The following TRPC1 variants were observed in gnomAD, a reference collection of about 807,000 sequenced individuals.
TRPC1 encodes the protein short transient receptor potential channel 1.
Under a neutral mutation model 88.2 loss-of-function variants are expected in TRPC1, and 42 were observed. The ratio of observed to expected loss-of-function variants is 0.48; its 90% CI spans 0.37 to 0.62. The LOEUF (loss-of-function observed/expected upper bound fraction) is 0.62, where lower values mean the gene tolerates loss of function less well. TRPC1 is among the 20% of genes least tolerant of loss of function. The probability of loss-of-function intolerance (pLI) is 0.00; values close to 1 mark genes in which losing one functional copy is unlikely to be tolerated. For synonymous variants in TRPC1, 288 were observed against 331.8 expected (o/e 0.87, Z 1.43); for missense variants, 699 against 957.3 (o/e 0.73, Z 3.56).
intron 1 of TRPC1, among the ~76,000 whole-genome samples, chr3:142,734,176 T>G (rs1487365188): frequency 6.6e-6 from 1 of 152,200 alleles, no homozygotes; most frequent in Admixed American, 6.5e-5. Flanking sequence ...TCCTGCCTCT[T>G]GTTGTCTTGG....
Position 142,724,498 on chromosome 3 carries a change from C to G in TRPC1, c.-62C>G, listed in dbSNP as rs1364976958. 12 of 1,386,262 alleles carry G rather than the reference C, an allele frequency of 8.7e-6. No individual in the cohort carries two copies. Among genetic ancestry groups the G allele is most frequent in the Admixed American group, 3.1e-5 (1 of 32,576 alleles). The allele number at this position is 1,386,262 out of a possible 1,614,324, so 85.9% of individuals were successfully genotyped here. A position where few individuals can be genotyped will look rare whatever the true frequency, so the allele number is the denominator to read the frequency against. ...CCTGGGGCGTGGCTGGGGTCGGGGT[C>G]GGGGTCGGGGCCGGTGGGGGCCCCG... On this transcript the variant is annotated 5_prime_UTR_variant, in exon 1 of 13. Coordinates refer to ENST00000476941, the MANE Select transcript of TRPC1 (RefSeq NM_001251845.2). This position sits in a 1 kb window ranked among gnomAD's most constrained non-coding sequence, Gnocchi z 5.6.
At chr3:142,743,142 C>A (rs1934414746) in intron 2 of TRPC1, among the ~76,000 whole-genome samples, 1 of 151,684 alleles carries the variant, frequency 6.6e-6, no homozygotes. Context: ...TGTTAAGATT[C>A]TTTTGGTCCA....
intron 6 of TRPC1, among the ~76,000 whole-genome samples, chr3:142,783,721 C>T (rs995796027): frequency 1.3e-5 from 2 of 152,120 alleles, no homozygotes; most frequent in African/African-American, 4.8e-5. Flanking sequence ...TTTTTCACTA[C>T]AGTGTTAATT....
intron 7 of TRPC1, among the ~76,000 whole-genome samples, chr3:142,789,567 C>G (rs1221461814): frequency 6.6e-6 from 1 of 152,128 alleles, no homozygotes; most frequent in Non-Finnish European, 1.5e-5. Context: ...ATTTTGCCTA[C>G]TGATAAGCCA....
At chr3:142,763,497 TAGATACTC>T (rs1301788964) in intron 4 of TRPC1, among the ~76,000 whole-genome samples, 2 of 152,170 alleles carry the variant, frequency 1.3e-5, no homozygotes, top group African/African-American at 4.8e-5. Flanking sequence ...GATATAAGAA[TAGATACTC>T]CTGATCTTTT....
In TRPC1 at chr3:142,743,613, T is replaced by C. The variant is rs1238597335; in HGVS notation, c.429+27T>C. On this transcript the variant is annotated intron_variant, in intron 3 of 12. Coordinates refer to ENST00000476941, the MANE Select transcript of TRPC1 (RefSeq NM_001251845.2). ...TTAGTACTCTTAAATATTTATTAAT[T>C]TGGATTTTTAAACCAAAATAGATCT... 2.8e-6 allele frequency: 4 copies of C among 1,413,798 alleles called. No individual in the cohort carries two copies. In the African/African-American group the frequency reaches 5.9e-5, roughly 21 times the overall value. The allele number at this position is 1,413,798 out of a possible 1,614,324, so 87.6% of individuals were successfully genotyped here. A position where few individuals can be genotyped will look rare whatever the true frequency, so the allele number is the denominator to read the frequency against.
chr3:142,780,795 GAA>G, intron 5 of TRPC1, 37 bp from the exon 6 acceptor site: 1 of 1,537,746 alleles, frequency 6.5e-7, no homozygotes, highest in East Asian at 2.3e-5. Context: ...TTAGAAGATG[GAA>G]ACGACGTTTC....
At chr3:142,802,013 C>T (rs1211537242) in intron 9 of TRPC1, among the ~76,000 whole-genome samples, 156 bp from the exon 10 acceptor site, 2 of 151,988 alleles carry the variant, frequency 1.3e-5, no homozygotes, top group Non-Finnish European at 2.9e-5. Flanking sequence ...GCTGGATTTT[C>T]GATGTTTTTA....
chr3:142,781,290 T>C (rs1935951122), intron 6 of TRPC1, among the ~76,000 whole-genome samples: 1 of 152,198 alleles, frequency 6.6e-6, no homozygotes, highest in African/African-American at 2.4e-5. Context: ...TTTTTAGTAA[T>C]ATTGATTATA....
chr3:142,746,604 A>C, intron 3 of TRPC1, among the ~76,000 whole-genome samples: 1 of 152,214 alleles, frequency 6.6e-6, no homozygotes, highest in Admixed American at 6.5e-5. Context: ...CCAGTGATCA[A>C]AGGAAATTAA....
chr3:142,731,492 C>T (rs1933910286), intron 1 of TRPC1, among the ~76,000 whole-genome samples: 1 of 146,320 alleles, frequency 6.8e-6, no homozygotes. Flanking sequence ...TCACGCCATT[C>T]TCCTGCCTCA....
chr3:142,753,726 CAAA>C (rs1198639773), intron 4 of TRPC1, among the ~76,000 whole-genome samples: 2 of 87,552 alleles, frequency 2.3e-5, no homozygotes, highest in Non-Finnish European at 2.2e-5. Context: ...GACTCTGCCT[CAAA>C]AAAAAAAAAA....
intron 5 of TRPC1, among the ~76,000 whole-genome samples, chr3:142,780,483 G>A (rs9850432): frequency 0.03 from 4,517 of 152,254 alleles, 236 homozygotes; most frequent in African/African-American, 0.1. Flanking sequence ...TAATATAAAA[G>A]GAAGTTTTAG....
chr3:142,801,837 G>T (rs1033419443), intron 9 of TRPC1, among the ~76,000 whole-genome samples: 1 of 151,956 alleles, frequency 6.6e-6, no homozygotes, highest in African/African-American at 2.4e-5. Flanking sequence ...GTTTGAGCAG[G>T]GTATTTTCCT....
rs963578947 is a variant in TRPC1 at position 142,724,957 on chromosome 3, G to T, written c.172+226G>T. Among the ~76,000 whole-genome samples the T allele has an allele frequency of 6.6e-6, 1 of 152,188 alleles. No individual in the cohort carries two copies. The highest frequency in any genetic ancestry group is 2.4e-5 in the African/African-American group (1 of 41,452). On this transcript the variant is annotated intron_variant, in intron 1 of 12. Transcript: ENST00000476941. The surrounding 1 kb of genome is among the most constrained non-coding windows in gnomAD (Gnocchi z 5.6). The stretch of plus-strand genomic sequence containing the variant: ...TGCGCCCTCGGAGCGCTGCACCGTC[G>T]GGGGTGGCTCTGGCCTTGGGGTCCG...
chr3:142,733,385 G>T (rs1934006797), intron 1 of TRPC1, among the ~76,000 whole-genome samples: 1 of 152,118 alleles, frequency 6.6e-6, no homozygotes, highest in African/African-American at 2.4e-5. Context: ...GGTGGCAGCT[G>T]CCTGTAATCC....
intron 9 of TRPC1, among the ~76,000 whole-genome samples, chr3:142,794,752 G>A (rs1416976133): frequency 1.3e-5 from 2 of 152,110 alleles, no homozygotes; most frequent in African/African-American, 2.4e-5. Flanking sequence ...CATCTCATCC[G>A]ACGGGATTAG....
intron 4 of TRPC1, among the ~76,000 whole-genome samples, chr3:142,761,123 AT>A (rs1270936448): frequency 6.6e-6 from 1 of 152,078 alleles, no homozygotes; most frequent in African/African-American, 2.4e-5. Context: ...TTCCAATATT[AT>A]GTTGAATAAT....
chr3:142,782,887 G>T (rs1188331276), intron 6 of TRPC1, among the ~76,000 whole-genome samples: 1 of 152,208 alleles, frequency 6.6e-6, no homozygotes, highest in Non-Finnish European at 1.5e-5. Flanking sequence ...GGTGGCTTCA[G>T]AGTGGCTTTT....
Sources: allele counts gnomAD v4.1 joint callset (sites outside exome capture counted in the v4.1 genomes callset), GRCh38; gene constraint gnomAD v4.1.1; non-coding constraint Gnocchi (gnomAD v3.1); transcripts MANE v1.5; gene names NCBI Gene and HGNC (gene_info 2026-07-23, HGNC 2026-07-21).